The following TMEM41B variants were observed in gnomAD, a reference collection of about 807,000 sequenced individuals.
The protein encoded by TMEM41B is transmembrane protein 41B, also known as protein stasimon.
A neutral mutation model predicts 31.9 loss-of-function variants in TMEM41B; 18 were observed. That is an observed-to-expected ratio of 0.56 (90% CI 0.39 to 0.84). The LOEUF (loss-of-function observed/expected upper bound fraction) is 0.84, where lower values mean the gene tolerates loss of function less well. Ranked by LOEUF, TMEM41B falls within the 40% of genes least tolerant of loss-of-function variation. The probability of loss-of-function intolerance (pLI) is 0.00; values close to 1 mark genes in which losing one functional copy is unlikely to be tolerated. For missense variants in TMEM41B, 322 were observed against 348.0 expected (o/e 0.93, Z 0.59); for synonymous variants, 144 against 124.3 (o/e 1.16, Z -1.05).
intron 1 of TMEM41B, among the ~76,000 whole-genome samples, chr11:9,306,665 G>A (rs993155748): frequency 2.0e-5 from 3 of 151,492 alleles, no homozygotes; most frequent in African/African-American, 4.8e-5. Context: ...TAGCCTGGGC[G>A]ATAGAGCGAG....
intron 1 of TMEM41B, among the ~76,000 whole-genome samples, chr11:9,305,557 G>A (rs114910296): frequency 0.018 from 2,694 of 152,210 alleles, 78 homozygotes; most frequent in African/African-American, 0.061. Flanking sequence ...CCAAAGTTGC[G>A]CCATTGCACT....
At chr11:9,298,428 C>T (rs1334945675) in intron 2 of TMEM41B, among the ~76,000 whole-genome samples, 1 of 141,330 alleles carries the variant, frequency 7.1e-6, no homozygotes, top group African/African-American at 2.7e-5. Flanking sequence ...CATTGCACTC[C>T]AGCCTGGGCA....
intron 1 of TMEM41B, 67 bp from the exon 2 acceptor site, chr11:9,299,768 T>C (rs767099885): frequency 6.1e-6 from 7 of 1,142,926 alleles, no homozygotes; most frequent in Non-Finnish European, 9.0e-6. Context: ...ATAATTTCTG[T>C]ACATGCTTTC....
rs138570403 is a variant in TMEM41B at position 9,295,280 on chromosome 11, G to A, written c.347C>T (p.Ala116Val). 3.5e-5 allele frequency: 55 copies of A among 1,571,900 alleles called. No homozygotes were observed. The African/African-American group carries it at 6.1e-4, about 17-fold the overall frequency. ...ATACAAAATATATGTAGCAAAATAAGCTACAAGTACTTGAACATAAAAGGT... is the reference window on the plus strand; with the variant it reads ...ATACAAAATATATGTAGCAAAATAAACTACAAGTACTTGAACATAAAAGGT... Reference protein sequence around the residue: ...KDTFYVQVLVAYFATYIFLQT... With the variant: ...KDTFYVQVLVVYFATYIFLQT... The change falls in exon 3 of 7, where the codon GCT becomes GTT. Residue 116 changes from alanine to valine, a missense_variant. Ala to Val is a moderately conservative substitution (Grantham distance 64, BLOSUM62 0). Transcript: ENST00000528080.
At chr11:9,292,967 A>T (rs1852992989) in intron 3 of TMEM41B, among the ~76,000 whole-genome samples, 1 of 152,088 alleles carries the variant, frequency 6.6e-6, no homozygotes, top group South Asian at 2.1e-4. Flanking sequence ...GTTGCTTTTG[A>T]TTCTTAAGAT....
chr11:9,304,420 C>T (rs972073063), intron 1 of TMEM41B, among the ~76,000 whole-genome samples: 7 of 152,018 alleles, frequency 4.6e-5, no homozygotes, highest in African/African-American at 1.7e-4. Flanking sequence ...GTACTAAATC[C>T]AATTGAATAA....
At chr11:9,289,776 T>A (rs972748776) in intron 3 of TMEM41B, among the ~76,000 whole-genome samples, 1 of 152,208 alleles carries the variant, frequency 6.6e-6, no homozygotes, top group African/African-American at 2.4e-5. Flanking sequence ...TTAGACTTCA[T>A]CCTGCATGAA....
At chr11:9,311,928 A>G (rs545108444) in intron 1 of TMEM41B, among the ~76,000 whole-genome samples, 23 of 152,366 alleles carry the variant, frequency 1.5e-4, no homozygotes, top group African/African-American at 5.3e-4. Flanking sequence ...AACATTGCAG[A>G]TAGCATGTAA....
rs200380316 is a variant in TMEM41B, at chr11:9,299,552, T to C, written c.239+32A>G. 423 of 1,373,796 alleles carry C rather than the reference T, an allele frequency of 3.1e-4. 1 individual carries two copies. Among genetic ancestry groups the C allele is most frequent in the African/African-American group, 1.8e-3 (125 of 69,076 alleles). The allele number at this position is 1,373,796 out of a possible 1,614,324, so 85.1% of individuals were successfully genotyped here. ...TCCACTTTCATCTTATAAATATCTA[T>C]ACATTTTCAGTTTATCTCTCAGTAT... On this transcript the variant is annotated intron_variant, in intron 2 of 6. Transcript: ENST00000528080.
chr11:9,298,700 G>T (rs1009937692), intron 2 of TMEM41B, among the ~76,000 whole-genome samples: 1 of 151,674 alleles, frequency 6.6e-6, no homozygotes, highest in African/African-American at 2.4e-5. Flanking sequence ...AGGAGAGGAG[G>T]CAGAGATCAC....
Position 9,289,906 on chromosome 11 carries a change from T to G in TMEM41B, c.369-1371A>C, listed in dbSNP as rs943227352. On this transcript the variant is annotated intron_variant, in intron 3 of 6. Transcript: ENST00000528080. ...ACATTCTGTTGGCCACACAATCCCTTTTCTTTGATAAATTTGGCAATTTCC... is the reference window on the plus strand; with the variant it reads ...ACATTCTGTTGGCCACACAATCCCTGTTCTTTGATAAATTTGGCAATTTCC... 2.0e-5 allele frequency among the ~76,000 whole-genome samples: 3 copies of G among 152,162 alleles called. No homozygotes were observed. In the East Asian group the frequency reaches 5.8e-4, roughly 29 times the overall value.
chr11:9,288,808 T>C (rs1266146424), intron 3 of TMEM41B, among the ~76,000 whole-genome samples: 1 of 152,110 alleles, frequency 6.6e-6, no homozygotes, highest in East Asian at 1.9e-4. Context: ...GAAAAGGTCT[T>C]CCGTAATCTT....
intron 3 of TMEM41B, among the ~76,000 whole-genome samples, chr11:9,291,747 C>T (rs1029907410): frequency 4.0e-5 from 6 of 151,016 alleles, no homozygotes; most frequent in African/African-American, 1.2e-4. Context: ...CTCGCTCTGT[C>T]GTCCAGGCTG....
intron 1 of TMEM41B, among the ~76,000 whole-genome samples, chr11:9,301,904 G>C (rs901450501): frequency 2.0e-5 from 3 of 151,972 alleles, no homozygotes; most frequent in African/African-American, 4.8e-5. Flanking sequence ...GGGAAATATA[G>C]CTAAGCTACT....
At chr11:9,306,788 A>G (rs1853409704) in intron 1 of TMEM41B, among the ~76,000 whole-genome samples, 1 of 152,166 alleles carries the variant, frequency 6.6e-6, no homozygotes, top group Non-Finnish European at 1.5e-5. Flanking sequence ...TAATTCTTTT[A>G]TAGCAGTCCC....
At chr11:9,292,815 TA>T (rs1392884958) in intron 3 of TMEM41B, among the ~76,000 whole-genome samples, 2 of 151,806 alleles carry the variant, frequency 1.3e-5, no homozygotes, top group Non-Finnish European at 2.9e-5. Flanking sequence ...ATACTATTCT[TA>T]ATTTTTGAGG....
chr11:9,287,667 G>C lies in TMEM41B; in HGVS notation c.567+35C>G, dbSNP rs182834998. On this transcript the variant is annotated intron_variant, in intron 5 of 6. Transcript: ENST00000528080. ...AAACACAGACCTTCCAATTAACAAAGAGTTACATCAAATAATTTAAAAATA... is the reference window on the plus strand; with the variant it reads ...AAACACAGACCTTCCAATTAACAAACAGTTACATCAAATAATTTAAAAATA... 1.1e-5 allele frequency: 16 copies of C among 1,459,446 alleles called. No homozygotes were observed. In the Admixed American group the frequency reaches 2.7e-4, roughly 25 times the overall value. 90.4% of individuals were successfully genotyped at this position (1,459,446 alleles called of 1,614,324 possible).
At chr11:9,314,038 G>A (rs1590394502) in intron 1 of TMEM41B, among the ~76,000 whole-genome samples, 1 of 152,260 alleles carries the variant, frequency 6.6e-6, no homozygotes, top group East Asian at 1.9e-4. Context: ...GCCTAGCGTC[G>A]TTATCATCAA....
intron 1 of TMEM41B, among the ~76,000 whole-genome samples, chr11:9,310,351 C>T (rs987207484): frequency 4.0e-5 from 6 of 151,480 alleles, no homozygotes; most frequent in Admixed American, 2.6e-4. Context: ...GTACATGACC[C>T]GGTATACACA....
Sources: allele counts gnomAD v4.1 joint callset (sites outside exome capture counted in the v4.1 genomes callset), GRCh38; gene constraint gnomAD v4.1.1; transcripts MANE v1.5; gene names NCBI Gene and HGNC (gene_info 2026-07-23, HGNC 2026-07-21).